NRG1: variants seen among roughly 807,000 people sequenced by gnomAD.
The protein encoded by NRG1 is neuregulin 1.
Under a neutral mutation model 63.8 loss-of-function variants are expected in NRG1, and 18 were observed. The observed-to-expected ratio is 0.28, with a 90% CI of 0.19 to 0.42. The LOEUF is 0.42. Among genes scored for constraint, NRG1 ranks in the 10% least tolerant of loss-of-function variants. The pLI is 1.00. For missense variants in NRG1, 762 were observed against 814.7 expected (o/e 0.94, Z 0.79); for synonymous variants, 302 against 301.3 (o/e 1.00, Z -0.02).
chr8:32,231,191 AG>A (rs1323437583), intron 1 of NRG1, among the ~76,000 whole-genome samples: 1 of 152,190 alleles, frequency 6.6e-6, no homozygotes, highest in Non-Finnish European at 1.5e-5. Context: ...GGTTAAAAAA[AG>A]GGTATTTTTA....
chr8:31,979,062 G>A (rs1808657321), intron 1 of NRG1, among the ~76,000 whole-genome samples: 1 of 152,136 alleles, frequency 6.6e-6, no homozygotes, highest in Admixed American at 6.5e-5. Flanking sequence ...TCCCAGAGAG[G>A]CTCCATCTTA....
At chr8:32,517,830 A>G (rs532204203) in intron 1 of NRG1, among the ~76,000 whole-genome samples, 2 of 152,182 alleles carry the variant, frequency 1.3e-5, no homozygotes, top group Non-Finnish European at 2.9e-5. Context: ...CAATATTCAT[A>G]TGAGTTAATA....
intron 5 of NRG1, among the ~76,000 whole-genome samples, chr8:32,650,327 G>A (rs1039007132): frequency 3.3e-5 from 5 of 152,118 alleles, no homozygotes; most frequent in African/African-American, 1.2e-4. Context: ...ATGCACAGCT[G>A]CAACGTTTTG....
rs896754733 is a variant in NRG1, at chr8:31,797,043, TA to T, written c.37+157620del. Among the ~76,000 whole-genome samples, 11 of 151,982 alleles carry T rather than the reference TA, an allele frequency of 7.2e-5. No individual in the cohort carries two copies. The South Asian group carries it at 8.3e-4, about 11-fold the overall frequency. Reference sequence around the variant, plus strand: ...TGAGATAGACTGAATCTGAGCAGAATAAAAAAAAGTGGAATCAGCCTGAGTT... The same window carrying T: ...TGAGATAGACTGAATCTGAGCAGAATAAAAAAAGTGGAATCAGCCTGAGTT... On this transcript the variant is annotated intron_variant, in intron 1 of 10. Coordinates refer to the NRG1 transcript ENST00000519301.
At chr8:32,323,041 C>G (rs534334700) in intron 1 of NRG1, among the ~76,000 whole-genome samples, 1 of 152,032 alleles carries the variant, frequency 6.6e-6, no homozygotes, top group Non-Finnish European at 1.5e-5. Context: ...AGTCATTTAA[C>G]TTAATAACCT....
At chr8:32,731,686 G>T (rs1303949415) in intron 6 of NRG1, among the ~76,000 whole-genome samples, 2 of 151,916 alleles carry the variant, frequency 1.3e-5, no homozygotes, top group Non-Finnish European at 2.9e-5. Flanking sequence ...ATAATCACTA[G>T]TCAGAATTTA....
intron 1 of NRG1, among the ~76,000 whole-genome samples, chr8:31,938,776 T>G (rs1801320200): frequency 1.3e-5 from 2 of 152,058 alleles, no homozygotes; most frequent in African/African-American, 4.8e-5. Context: ...CACTGGAAAG[T>G]CTCAGCCATA....
intron 1 of NRG1, among the ~76,000 whole-genome samples, chr8:32,482,124 A>G (rs1239488781): frequency 6.6e-6 from 1 of 152,234 alleles, no homozygotes; most frequent in Non-Finnish European, 1.5e-5. Context: ...AAGCACCTGC[A>G]ATCAAATAAA....
chr8:32,325,142 A>G lies in NRG1; in HGVS notation c.38-270686A>G, dbSNP rs77183073. Among the ~76,000 whole-genome samples, 783 of 152,330 alleles carry G rather than the reference A, an allele frequency of 5.1e-3. 4 individuals are homozygous for G. The highest frequency in any genetic ancestry group is 0.018 in the African/African-American group (742 of 41,574). On this transcript the variant is annotated intron_variant, in intron 1 of 10. Transcript: ENST00000519301. ...GATTTCACAAAGAAAGAAATTCAACACTTAAGGAGGAGGCATGAGAAAACA... is the reference window on the plus strand; with the variant it reads ...GATTTCACAAAGAAAGAAATTCAACGCTTAAGGAGGAGGCATGAGAAAACA...
intron 6 of NRG1, among the ~76,000 whole-genome samples, chr8:32,737,101 C>T (rs1825263016): frequency 1.3e-5 from 2 of 152,072 alleles, no homozygotes; most frequent in South Asian, 4.2e-4. Flanking sequence ...TTTATTGAAT[C>T]TGAAGTAAAC....
intron 1 of NRG1, among the ~76,000 whole-genome samples, chr8:32,480,431 T>C (rs1825104403): frequency 6.9e-6 from 1 of 144,862 alleles, no homozygotes; most frequent in Non-Finnish European, 1.5e-5. Flanking sequence ...ATCTCCAAAT[T>C]GCTTAAAAAA....
intron 1 of NRG1, among the ~76,000 whole-genome samples, chr8:32,333,312 A>AT: frequency 6.6e-6 from 1 of 151,878 alleles, no homozygotes. Flanking sequence ...GCCCTAATTT[A>AT]TTTTTTTCAC....
chr8:32,365,981 A>G (rs192836737), intron 1 of NRG1, among the ~76,000 whole-genome samples: 2 of 152,158 alleles, frequency 1.3e-5, no homozygotes, highest in African/African-American at 4.8e-5. Flanking sequence ...GCTGGGTATG[A>G]CACTAATTTG....
At chr8:32,040,723 T>TATATATGAAATTTAGGCGC (rs1554608420) in intron 1 of NRG1, among the ~76,000 whole-genome samples, 1,285 of 106,408 alleles carry the variant, frequency 0.012, 75 homozygotes, top group African/African-American at 0.041. Context: ...TATATATATA[T>TATATATGAAATTTAGGCGC]ATATATATAT....
At chr8:32,404,264 G>T (rs1299409281) in intron 1 of NRG1, among the ~76,000 whole-genome samples, 2 of 152,132 alleles carry the variant, frequency 1.3e-5, no homozygotes, top group Admixed American at 1.3e-4. Context: ...GGATGCAAAG[G>T]GGCGGGGGTA....
intron 1 of NRG1, among the ~76,000 whole-genome samples, chr8:31,643,393 G>A (rs1198714654): frequency 1.3e-5 from 2 of 152,226 alleles, no homozygotes; most frequent in Non-Finnish European, 2.9e-5. Flanking sequence ...GTTTGCTAGT[G>A]TAGAAACTAC....
chr8:32,078,106 G>C (rs796382359), intron 1 of NRG1, among the ~76,000 whole-genome samples: 5 of 152,296 alleles, frequency 3.3e-5, no homozygotes, highest in African/African-American at 1.2e-4. Context: ...AAGTGATCGA[G>C]TTTAGATATT....
At chr8:32,482,403 T>C (rs1020205886) in intron 1 of NRG1, among the ~76,000 whole-genome samples, 11 of 117,470 alleles carry the variant, frequency 9.4e-5, no homozygotes, top group African/African-American at 3.2e-4. Context: ...TACTTTTGTG[T>C]GTGTGTGTGT....
At chr8:32,476,677 A>G (rs1824562925) in intron 1 of NRG1, among the ~76,000 whole-genome samples, 1 of 152,150 alleles carries the variant, frequency 6.6e-6, no homozygotes, top group South Asian at 2.1e-4. Flanking sequence ...AGCATTTGCT[A>G]CTCTTGATAG....
Sources: allele counts gnomAD v4.1 joint callset (sites outside exome capture counted in the v4.1 genomes callset), GRCh38; gene constraint gnomAD v4.1.1; transcripts MANE v1.5; gene names NCBI Gene and HGNC (gene_info 2026-07-23, HGNC 2026-07-21).